ARL15: variants seen among roughly 807,000 people sequenced by gnomAD.
ARL15 encodes ARF like GTPase 15.
A neutral mutation model predicts 25.2 loss-of-function variants in ARL15; 19 were observed. That is an observed-to-expected ratio of 0.75 (90% confidence interval 0.53 to 1.10). The LOEUF is 1.10. ARL15 is among the 50% of genes least tolerant of loss of function. The pLI, the probability that ARL15 is intolerant of heterozygous loss-of-function variation, is 0.00. For missense variants in ARL15, 220 were observed against 246.0 expected (o/e 0.89, Z 0.71); for synonymous variants, 94 against 86.8 (o/e 1.08, Z -0.46).
chr5:53,945,962 AG>A (rs1248640713), intron 4 of ARL15, among the ~76,000 whole-genome samples: 1 of 152,208 alleles, frequency 6.6e-6, no homozygotes, highest in African/African-American at 2.4e-5. Context: ...GAGACACCAC[AG>A]GCTTTGGAGA....
At chr5:53,969,375 T>C (rs1747665095) in intron 4 of ARL15, among the ~76,000 whole-genome samples, 1 of 152,206 alleles carries the variant, frequency 6.6e-6, no homozygotes, top group Non-Finnish European at 1.5e-5. Flanking sequence ...TAACTATTCA[T>C]GGCAGAACTT....
chr5:54,089,124 C>G (rs553149602), intron 4 of ARL15, among the ~76,000 whole-genome samples: 89 of 152,290 alleles, frequency 5.8e-4, no homozygotes, highest in African/African-American at 2.0e-3. Flanking sequence ...CTAGTCTCAG[C>G]TCCAGCACCC....
intron 3 of ARL15, among the ~76,000 whole-genome samples, chr5:54,142,741 G>A (rs1327366835): frequency 2.0e-5 from 3 of 152,070 alleles, no homozygotes; most frequent in Admixed American, 2.0e-4. Context: ...GCAAGCATCT[G>A]ACAATAAATG....
chr5:54,303,254 G>C (rs936869249), intron 1 of ARL15, among the ~76,000 whole-genome samples: 2 of 152,114 alleles, frequency 1.3e-5, no homozygotes, highest in Non-Finnish European at 1.5e-5. Flanking sequence ...GGGCACAGTG[G>C]CTCACGCCTG....
chr5:54,300,071 C>A (rs1407651568), intron 1 of ARL15, among the ~76,000 whole-genome samples: 1 of 152,156 alleles, frequency 6.6e-6, no homozygotes, highest in Non-Finnish European at 1.5e-5. Context: ...GACCCCATTA[C>A]CCACCTCAAT....
chr5:54,052,065 T>C (rs1750718775), intron 4 of ARL15, among the ~76,000 whole-genome samples: 1 of 152,186 alleles, frequency 6.6e-6, no homozygotes, highest in Non-Finnish European at 1.5e-5. Flanking sequence ...ATTCCAATTA[T>C]ATGACATTCT....
intron 4 of ARL15, among the ~76,000 whole-genome samples, chr5:53,897,010 C>T (rs1353368065): frequency 1.3e-5 from 2 of 152,164 alleles, no homozygotes; most frequent in East Asian, 3.9e-4. Flanking sequence ...TCTTCCACTG[C>T]TTGGTTGGAC....
chr5:54,059,080 CT>C (rs1215045906), intron 4 of ARL15, among the ~76,000 whole-genome samples: 4 of 152,174 alleles, frequency 2.6e-5, no homozygotes, highest in Non-Finnish European at 5.9e-5. Context: ...TTTAAATAAC[CT>C]TATGGTCTCC....
At position 54,163,355 on chromosome 5, in the gene ARL15, G is replaced by GTT. The variant is rs1754465268; in HGVS notation, c.193+8428_193+8429insAA. ...TGTCCATGAGGGCTATTGGTATGAA[G>GTT]CTTTTTTTTTTTTTTTTTTTTTTTT... is the stretch of plus-strand genomic sequence containing the variant. On this transcript the variant is annotated intron_variant, in intron 2 of 4. Transcript: ENST00000504924. Among the ~76,000 whole-genome samples the GTT allele has an allele frequency of 6.6e-4, 34 of 51,346 alleles. 11 individuals are homozygous for GTT. The highest frequency in any genetic ancestry group is 1.5e-3 in the African/African-American group (18 of 12,092). 33.7% of individuals were successfully genotyped at this position (51,346 alleles called of 152,430 possible).
rs1367493722 is a variant in ARL15, at chr5:53,985,381, G to C, written c.463-98668C>G. On this transcript the variant is annotated intron_variant, in intron 4 of 4. Coordinates refer to ENST00000504924, the MANE Select transcript of ARL15 (RefSeq NM_019087.3). ...CGCTATTAAATACATTCATAATGTT[G>C]TGCAACCATCACCACCATCCATCGC... is the stretch of plus-strand genomic sequence containing the variant. 5.9e-5 allele frequency among the ~76,000 whole-genome samples: 9 copies of C among 152,172 alleles called. No individual in the cohort carries two copies. In the South Asian group the frequency reaches 1.9e-3, roughly 32 times the overall value.
At chr5:54,027,104 G>T (rs894635196) in intron 4 of ARL15, among the ~76,000 whole-genome samples, 3 of 152,188 alleles carry the variant, frequency 2.0e-5, no homozygotes, top group Non-Finnish European at 2.9e-5. Flanking sequence ...GAGTGGGTTT[G>T]TGGTGTTTCT....
intron 1 of ARL15, among the ~76,000 whole-genome samples, chr5:54,276,378 T>G (rs1457005156): frequency 6.6e-6 from 1 of 152,232 alleles, no homozygotes; most frequent in East Asian, 1.9e-4. Flanking sequence ...AATTTGTTGC[T>G]AGAACCAGTA....
At chr5:54,242,186 C>T (rs948337502) in intron 1 of ARL15, among the ~76,000 whole-genome samples, 1 of 151,914 alleles carries the variant, frequency 6.6e-6, no homozygotes, top group Non-Finnish European at 1.5e-5. Flanking sequence ...CACACACACA[C>T]AATTAAGTTA....
At chr5:54,018,948 T>C (rs1198071001) in intron 4 of ARL15, among the ~76,000 whole-genome samples, 1 of 152,188 alleles carries the variant, frequency 6.6e-6, no homozygotes, top group Non-Finnish European at 1.5e-5. Context: ...TTTAAGATAA[T>C]GCATGTAGGC....
intron 4 of ARL15, among the ~76,000 whole-genome samples, chr5:54,014,324 T>C (rs997017681): frequency 6.6e-6 from 1 of 152,108 alleles, no homozygotes; most frequent in African/African-American, 2.4e-5. Context: ...GTTTTTCTTC[T>C]CCTCCCTGTT....
At chr5:54,258,980 A>G (rs145846504) in intron 1 of ARL15, among the ~76,000 whole-genome samples, 5 of 152,350 alleles carry the variant, frequency 3.3e-5, no homozygotes, top group Non-Finnish European at 7.3e-5. Context: ...GCAAGACTGT[A>G]TTCAGTCTAG....
At chr5:54,166,284 T>A (rs1330056246) in intron 2 of ARL15, among the ~76,000 whole-genome samples, 1 of 152,054 alleles carries the variant, frequency 6.6e-6, no homozygotes, top group Non-Finnish European at 1.5e-5. Context: ...AGCCTCAAAC[T>A]CCTGGGATCA....
intron 4 of ARL15, among the ~76,000 whole-genome samples, chr5:54,085,109 G>T (rs972278555): frequency 5.7e-4 from 86 of 152,208 alleles, no homozygotes; most frequent in African/African-American, 2.0e-3. Context: ...ATTCCCTTTA[G>T]GTGAACTGAA....
chr5:53,897,649 A>G (rs1229698549), intron 4 of ARL15, among the ~76,000 whole-genome samples: 1 of 152,254 alleles, frequency 6.6e-6, no homozygotes, highest in African/African-American at 2.4e-5. Flanking sequence ...TGCATTTGAC[A>G]TGATCTATTA....
Sources: gnomAD v4.1 joint callset for allele counts (sites outside exome capture counted in the v4.1 genomes callset) on GRCh38, gnomAD v4.1.1 for gene constraint, MANE v1.5 for transcripts, NCBI Gene and HGNC (gene_info 2026-07-23, HGNC 2026-07-21) for gene names.